NIPBL: variants seen among roughly 807,000 people sequenced by gnomAD.
NIPBL encodes the protein nipped-B-like protein.
A neutral mutation model predicts 321.8 loss-of-function variants in NIPBL; 19 were observed. The observed-to-expected ratio is 0.06, with a 90% confidence interval of 0.04 to 0.09. The LOEUF (loss-of-function observed/expected upper bound fraction) is 0.09, where lower values mean the gene tolerates loss of function less well. NIPBL is among the 10% of genes least tolerant of loss of function. The probability of loss-of-function intolerance (pLI) is 1.00; values close to 1 mark genes in which losing one functional copy is unlikely to be tolerated. For synonymous variants in NIPBL, 1,106 were observed against 1,114.1 expected, an observed-to-expected ratio of 0.99 and a Z score of 0.14; for missense variants, 2,210 against 3,327.0, an observed-to-expected ratio of 0.66 and a Z score of 8.26.
intron 10 of NIPBL, among the ~76,000 whole-genome samples, chr5:36,986,837 G>A (rs1744863724): frequency 6.6e-6 from 1 of 152,070 alleles, no homozygotes; most frequent in African/African-American, 2.4e-5. Context: ...AGGTAATAGG[G>A]AATGGTACTT....
chr5:37,018,347 T>TG (rs1749227522), intron 24 of NIPBL, among the ~76,000 whole-genome samples: 1 of 152,232 alleles, frequency 6.6e-6, no homozygotes, highest in Non-Finnish European at 1.5e-5. Flanking sequence ...TGGTAAATTA[T>TG]AATTTGTTGC....
In NIPBL at chr5:36,984,967, A is replaced by G; in HGVS notation, c.1787A>G (p.His596Arg). ...AGTCTTAAATCTACACCAGAAAACC[A>G]TCCTGAGACACCTAAAAAAAAGTCT... The part of the protein sequence containing the change: ...VGSLKSTPEN[H>R]PETPKKKSDP... The change falls in exon 10 of 47, where the codon CAT becomes CGT. Residue 596 changes from histidine to arginine, a missense_variant. By Grantham distance (29) the His-to-Arg change is conservative. Around this residue, in one of 14 missense-constraint regions of NIPBL, gnomAD observed 588 missense variants for 564.1 expected, o/e 1.04. Coordinates refer to ENST00000282516, the MANE Select transcript of NIPBL (RefSeq NM_133433.4). 6.2e-7 allele frequency: 1 copy of G among 1,613,888 alleles called. No individual in the cohort carries two copies. The highest frequency in any genetic ancestry group is 8.5e-7 in the Non-Finnish European group (1 of 1,179,930).
intron 9 of NIPBL, among the ~76,000 whole-genome samples, chr5:36,982,499 C>T (rs534485933): frequency 2.6e-5 from 4 of 151,620 alleles, no homozygotes; most frequent in South Asian, 4.2e-4. Flanking sequence ...AGTAGTTGAA[C>T]GATTAAAATT....
intron 1 of NIPBL, among the ~76,000 whole-genome samples, chr5:36,909,116 C>G (rs1747856975): frequency 6.6e-6 from 1 of 152,086 alleles, no homozygotes; most frequent in African/African-American, 2.4e-5. Flanking sequence ...ACTTCTTGTG[C>G]TGGACTGCCC....
At chr5:36,974,396 A>G (rs565733095) in intron 8 of NIPBL, among the ~76,000 whole-genome samples, 1 of 152,314 alleles carries the variant, frequency 6.6e-6, no homozygotes. Context: ...TAAAGTGTAT[A>G]TAATTTGCCA....
chr5:36,892,383 T>C (rs185010840), intron 1 of NIPBL, among the ~76,000 whole-genome samples: 28 of 152,296 alleles, frequency 1.8e-4, no homozygotes, highest in Non-Finnish European at 3.2e-4. Context: ...AGTGTGGCGA[T>C]TCCTCAGGGA....
chr5:37,027,517 G>A, intron 32 of NIPBL, 105 bp downstream of exon 32: 2 of 672,658 alleles, frequency 3.0e-6, no homozygotes, highest in South Asian at 3.4e-5. Flanking sequence ...AACCTTTTTA[G>A]TTCTTTTGGT....
chr5:37,038,835 TCAA>T, intron 34 of NIPBL, 97 bp downstream of exon 34: 1 of 1,188,664 alleles, frequency 8.4e-7, no homozygotes, highest in Non-Finnish European at 1.2e-6. Context: ...CACTGACAGA[TCAA>T]CTGTGTCATT....
chr5:36,978,381 T>C (rs1743749152), intron 9 of NIPBL, among the ~76,000 whole-genome samples: 1 of 152,052 alleles, frequency 6.6e-6, no homozygotes, highest in Non-Finnish European at 1.5e-5. Context: ...GTTTGTTGGC[T>C]GTGTGTACAT....
chr5:36,984,492 TCAA>T (rs1345834951), intron 9 of NIPBL, among the ~76,000 whole-genome samples, 181 bp from the exon 10 acceptor site: 2 of 152,180 alleles, frequency 1.3e-5, no homozygotes, highest in Non-Finnish European at 2.9e-5. Context: ...GCATATTTCT[TCAA>T]ACCTTACCTT....
At position 37,022,409 on chromosome 5, in the gene NIPBL, T is replaced by C; in HGVS notation, c.5574+19T>C. On this transcript the variant is annotated intron_variant, in intron 29 of 46. Transcript: ENST00000282516. ...AATATTGGTATGTTTGTCATTTTTA[T>C]AATGATTCGTGAATATAATTTTGCC... 1 of 1,590,108 alleles carries C rather than the reference T, an allele frequency of 6.3e-7. No individual in the cohort carries two copies. The highest frequency in any genetic ancestry group is 8.6e-7 in the Non-Finnish European group (1 of 1,164,660).
At chr5:37,000,200 T>C (rs1241025281) in intron 11 of NIPBL, among the ~76,000 whole-genome samples, 173 bp from the exon 12 acceptor site, 2 of 152,174 alleles carry the variant, frequency 1.3e-5, no homozygotes, top group African/African-American at 2.4e-5. Context: ...TGTGCTAAAA[T>C]TAGTGATACT....
intron 46 of NIPBL, 29 bp downstream of exon 46, chr5:37,064,007 C>T (rs757824171): frequency 4.3e-6 from 7 of 1,611,262 alleles, no homozygotes; most frequent in Admixed American, 3.4e-5. Context: ...CAACGTATTT[C>T]GCAGCGTATT....
In NIPBL at chr5:36,971,979, C is replaced by A; in HGVS notation, c.806C>A (p.Ser269Tyr). 3 of 1,612,296 alleles carry A rather than the reference C, an allele frequency of 1.9e-6. No individual in the cohort carries two copies. Among genetic ancestry groups the A allele is most frequent in the Non-Finnish European group, 2.5e-6 (3 of 1,179,132 alleles). Residue 269 changes from serine (S) to tyrosine (Y), a missense_variant, in exon 8 of 47, where the codon TCT (serine) becomes TAT (tyrosine). Coordinates refer to ENST00000282516, the MANE Select transcript of NIPBL (RefSeq NM_133433.4). ...GDSSTMRNAA[S>Y]FPLRSPQPVC... ...TCTTCAACAATGAGGAATGCTGCATCTTTTCCCTTGAGATCTCCACAGCCA... is the reference window on the plus strand; with the variant it reads ...TCTTCAACAATGAGGAATGCTGCATATTTTCCCTTGAGATCTCCACAGCCA...
intron 30 of NIPBL, 63 bp from the exon 31 acceptor site, chr5:37,026,166 T>C (rs1750239511): frequency 1.1e-6 from 1 of 931,242 alleles, no homozygotes; most frequent in African/African-American, 1.6e-5. Flanking sequence ...TAATGAGAAT[T>C]TGGAATTGTG....
At chr5:36,878,461 A>T (rs983242973) in intron 1 of NIPBL, among the ~76,000 whole-genome samples, 7 of 152,178 alleles carry the variant, frequency 4.6e-5, no homozygotes, top group African/African-American at 1.4e-4. Flanking sequence ...CAGTCAGGCA[A>T]ATTGCTAGAA....
At chr5:37,052,008 C>A in intron 41 of NIPBL, 122 bp downstream of exon 41, 1 of 771,388 alleles carries the variant, frequency 1.3e-6, no homozygotes, top group Non-Finnish European at 2.2e-6. Context: ...TACCTATCTT[C>A]TAAACATGCA....
At position 37,045,507 on chromosome 5, in the gene NIPBL, C is replaced by T; in HGVS notation, c.6408C>T (p.Asn2136=). ...CAAATAACACTTCACTTCTAACAAA[C>T]AAACCAGCACTTCTTAGATCCCTTT... is the stretch of plus-strand genomic sequence containing the variant. The part of the protein sequence containing the change: ...EDPNNTSLLT[N]KPALLRSLFT... Residue 2136 remains asparagine (N), a synonymous_variant, in exon 37 of 47, where the codon AAC becomes AAT. Transcript: ENST00000282516. 6.2e-7 allele frequency: 1 copy of T among 1,613,994 alleles called. No homozygotes were observed. Among genetic ancestry groups the T allele is most frequent in the South Asian group, 1.1e-5 (1 of 91,068 alleles).
At position 36,925,256 on chromosome 5, in the gene NIPBL, A is replaced by G. The variant is rs567799150; in HGVS notation, c.-79-28362A>G. Reference sequence around the variant, plus strand: ...TTATTGTCTTTTACACTTATTTTACATACATTAATTCATTACTTTTTTTTT... The same window carrying G: ...TTATTGTCTTTTACACTTATTTTACGTACATTAATTCATTACTTTTTTTTT... On this transcript the variant is annotated intron_variant, in intron 1 of 46. Transcript: ENST00000282516. 4.7e-5 allele frequency among the ~76,000 whole-genome samples: 7 copies of G among 148,282 alleles called. No individual in the cohort carries two copies. The South Asian group carries it at 1.3e-3, about 27-fold the overall frequency.
Sources: gnomAD v4.1 joint callset for allele counts (sites outside exome capture counted in the v4.1 genomes callset) on GRCh38, gnomAD v4.1.1 for gene constraint, gnomAD v4.1.1 regional missense constraint, MANE v1.5 for transcripts, NCBI Gene and HGNC (gene_info 2026-07-23, HGNC 2026-07-21) for gene names.